The following RALGAPA2 variants were observed in gnomAD, a reference collection of about 807,000 sequenced individuals.
RALGAPA2 encodes the protein ral GTPase-activating protein subunit alpha-2.
In RALGAPA2, 139 loss-of-function variants were observed where a neutral mutation model predicts 230.4. The observed-to-expected ratio is 0.60, with a 90% CI of 0.53 to 0.69. RALGAPA2 has a LOEUF of 0.69. RALGAPA2 is among the 30% of genes least tolerant of loss of function. RALGAPA2 has a pLI of 0.00. For missense variants in RALGAPA2, 2,163 were observed against 2,276.0 expected (o/e 0.95, Z 1.01); for synonymous variants, 847 against 837.8 (o/e 1.01, Z -0.19).
chr20:20,497,714 T>G (rs764344087), intron 35 of RALGAPA2, among the ~76,000 whole-genome samples: 5 of 152,226 alleles, frequency 3.3e-5, no homozygotes, highest in African/African-American at 4.8e-5. Context: ...TCTCTTAATT[T>G]TACTTGCATC....
intron 26 of RALGAPA2, among the ~76,000 whole-genome samples, chr20:20,535,287 T>C (rs2063469315): frequency 6.6e-6 from 1 of 152,144 alleles, no homozygotes; most frequent in Admixed American, 6.5e-5. Context: ...CCAGAAAACC[T>C]CATATATCTT....
chr20:20,607,041 A>G (rs539039210), intron 14 of RALGAPA2, among the ~76,000 whole-genome samples: 4 of 152,230 alleles, frequency 2.6e-5, no homozygotes, highest in Non-Finnish European at 4.4e-5. Flanking sequence ...AGAGAAATGC[A>G]CTTGTTAAGA....
intron 3 of RALGAPA2, among the ~76,000 whole-genome samples, chr20:20,658,088 T>C (rs539957185): frequency 6.6e-6 from 1 of 152,200 alleles, no homozygotes; most frequent in Non-Finnish European, 1.5e-5. Context: ...GTCAAGCCTA[T>C]CATTATCACC....
intron 31 of RALGAPA2, among the ~76,000 whole-genome samples, chr20:20,513,978 T>C (rs1178716690): frequency 6.6e-6 from 1 of 152,224 alleles, no homozygotes; most frequent in Non-Finnish European, 1.5e-5. Flanking sequence ...CATGTGTCAT[T>C]GCTGAGTGCA....
In RALGAPA2 at chr20:20,548,138, C is replaced by G. The variant is rs182458821; in HGVS notation, c.3157-1306G>C. 9.1e-4 allele frequency among the ~76,000 whole-genome samples: 138 copies of G among 152,166 alleles called. No individual in the cohort carries two copies. The Middle Eastern group carries it at 0.01, about 11-fold the overall frequency. ...GAAGCAAAATCTCCACACACACACACACACACACACACAAAATCCTAGTTT... is the reference window on the plus strand; with the variant it reads ...GAAGCAAAATCTCCACACACACACAGACACACACACACAAAATCCTAGTTT... On this transcript the variant is annotated intron_variant, in intron 23 of 39. Coordinates refer to ENST00000202677, the MANE Select transcript of RALGAPA2 (RefSeq NM_020343.4).
In RALGAPA2 at chr20:20,571,709, T is replaced by C. The variant is rs1319351522; in HGVS notation, c.3001-96A>G. The C allele has an allele frequency of 5.4e-5, 80 of 1,487,896 alleles. 1 individual carries two copies. The highest frequency in any genetic ancestry group is 1.7e-4 in the Middle Eastern group (1 of 5,884). 92.2% of individuals were successfully genotyped at this position (1,487,896 alleles called of 1,614,324 possible). ...CTCAGTTTTCCTTAAGAGTTGTTTA[T>C]GGACATGTGGGATGCAGTTACTTTA... On this transcript the variant is annotated intron_variant, in intron 22 of 39. Coordinates refer to ENST00000202677, the MANE Select transcript of RALGAPA2 (RefSeq NM_020343.4).
At position 20,389,823 on chromosome 20, in the gene RALGAPA2, C is replaced by G. The variant is rs1486461631; in HGVS notation, c.*3466G>C. The G allele has an allele frequency of 1.3e-5, 2 of 151,656 alleles. No homozygotes were observed. Among genetic ancestry groups the G allele is most frequent in the Non-Finnish European group, 2.9e-5 (2 of 67,940 alleles). The allele number at this position is 151,656 out of a possible 1,614,324, so 9.4% of individuals were successfully genotyped here. A position where few individuals can be genotyped will look rare whatever the true frequency, so the allele number is the denominator to read the frequency against. ...CCTAGGAAGGAACCTAGATGTGGAGCATTAGGAAAATTAAATAACAAGAGA... is the reference window on the plus strand; with the variant it reads ...CCTAGGAAGGAACCTAGATGTGGAGGATTAGGAAAATTAAATAACAAGAGA... On this transcript the variant is annotated 3_prime_UTR_variant, in exon 40 of 40. Transcript: ENST00000202677.
At position 20,571,570 on chromosome 20, in the gene RALGAPA2, G is replaced by T; in HGVS notation, c.3044C>A (p.Ala1015Asp). The change falls in exon 23 of 40, where the codon GCC becomes GAC. Residue 1015 changes from alanine (A) to aspartate (D), a missense_variant. Ala to Asp is a moderately radical substitution (Grantham distance 126). Coordinates refer to ENST00000202677, the MANE Select transcript of RALGAPA2 (RefSeq NM_020343.4). ...CATCATGGCACAGATCAGCCTGTAG[G>T]CTTGTAGTTTGCCTTCCTTATATTC... ...PNEYKEGKLQAYRLICAMMTR... is the reference protein window; with the variant it reads ...PNEYKEGKLQDYRLICAMMTR... The T allele has an allele frequency of 6.2e-7, 1 of 1,612,012 alleles. No homozygotes were observed. The highest frequency in any genetic ancestry group is 2.2e-5 in the East Asian group (1 of 44,748).
In RALGAPA2 at chr20:20,437,780, T is replaced by C. The variant is rs1214066879; in HGVS notation, c.5496-25632A>G. Among the ~76,000 whole-genome samples, 1 of 152,152 alleles carries C rather than the reference T, an allele frequency of 6.6e-6. No homozygotes were observed. Among genetic ancestry groups the C allele is most frequent in the African/African-American group, 2.4e-5 (1 of 41,426 alleles). On this transcript the variant is annotated intron_variant, in intron 37 of 39. Coordinates refer to ENST00000202677, the MANE Select transcript of RALGAPA2 (RefSeq NM_020343.4). This position sits in a 1 kb window ranked among gnomAD's most constrained non-coding sequence, Gnocchi z 4.1. ...CCTCAGTACTCACCATGCTCTAACT[T>C]CCCTGGATTTTCATGATCTAGCTTG...
intron 37 of RALGAPA2, among the ~76,000 whole-genome samples, chr20:20,412,482 A>G (rs1024300633): frequency 1.3e-5 from 2 of 152,236 alleles, no homozygotes; most frequent in South Asian, 2.1e-4. Context: ...TTCCACTGAC[A>G]GTGGTAGATC....
At chr20:20,534,443 T>C (rs1245572004) in intron 26 of RALGAPA2, among the ~76,000 whole-genome samples, 7 of 143,368 alleles carry the variant, frequency 4.9e-5, no homozygotes, top group Non-Finnish European at 1.1e-4. Context: ...AGACCCCATC[T>C]CAAAAAAAAA....
chr20:20,614,619 A>G (rs1393591134), intron 13 of RALGAPA2, among the ~76,000 whole-genome samples: 1 of 152,202 alleles, frequency 6.6e-6, no homozygotes, highest in Non-Finnish European at 1.5e-5. Context: ...ATGACATTGG[A>G]ATCTACATCA....
At chr20:20,606,202 G>T (rs750730436) in intron 14 of RALGAPA2, among the ~76,000 whole-genome samples, 1 of 151,870 alleles carries the variant, frequency 6.6e-6, no homozygotes, top group Non-Finnish European at 1.5e-5. Context: ...TTCCACACCC[G>T]CTCCATCTCC....
At chr20:20,526,091 C>G (rs2063193062) in intron 28 of RALGAPA2, among the ~76,000 whole-genome samples, 161 bp downstream of exon 28, 1 of 152,222 alleles carries the variant, frequency 6.6e-6, no homozygotes, top group Admixed American at 6.5e-5. Context: ...CCTGAAATCA[C>G]AGCTGAGAAG....
intron 19 of RALGAPA2, 142 bp downstream of exon 19, chr20:20,584,723 G>C (rs1406920817): frequency 1.0e-5 from 6 of 579,392 alleles, no homozygotes; most frequent in Non-Finnish European, 1.1e-5. Flanking sequence ...TGAGGCTGCA[G>C]TGAGCCATGA....
intron 37 of RALGAPA2, among the ~76,000 whole-genome samples, chr20:20,423,380 A>C (rs1602325834): frequency 6.6e-6 from 1 of 152,074 alleles, no homozygotes. Flanking sequence ...AACCACCCCC[A>C]CCCCCACCAG....
Position 20,712,260 on chromosome 20 carries a change from GC to G in RALGAPA2, c.106+114del. 1 of 835,636 alleles carries G rather than the reference GC, an allele frequency of 1.2e-6. No individual in the cohort carries two copies. The highest frequency in any genetic ancestry group is 1.7e-6 in the Non-Finnish European group (1 of 573,364). The allele number at this position is 835,636 out of a possible 1,614,324, so 51.8% of individuals were successfully genotyped here. On this transcript the variant is annotated intron_variant, in intron 1 of 39. Coordinates refer to ENST00000202677, the MANE Select transcript of RALGAPA2 (RefSeq NM_020343.4). The surrounding 1 kb of genome is among the most constrained non-coding windows in gnomAD (Gnocchi z 5.5). The stretch of plus-strand genomic sequence containing the variant: ...CCAGATCCAGGGAAGGGGGTCGGAC[GC>G]CCACCCATCCCCCTCCCCAGCCTCC...
chr20:20,664,475 T>A (rs948202702), intron 3 of RALGAPA2, among the ~76,000 whole-genome samples: 1 of 152,202 alleles, frequency 6.6e-6, no homozygotes, highest in Non-Finnish European at 1.5e-5. Context: ...ACCCATAATA[T>A]GTGGGTTTTG....
At chr20:20,435,052 T>C (rs1002214028) in intron 37 of RALGAPA2, among the ~76,000 whole-genome samples, 3 of 152,234 alleles carry the variant, frequency 2.0e-5, no homozygotes, top group Non-Finnish European at 4.4e-5. Context: ...CACAGAGAGA[T>C]GGCTCCAATG....
Sources: allele counts gnomAD v4.1 joint callset (sites outside exome capture counted in the v4.1 genomes callset), GRCh38; gene constraint gnomAD v4.1.1; non-coding constraint Gnocchi (gnomAD v3.1); transcripts MANE v1.5; gene names NCBI Gene and HGNC (gene_info 2026-07-23, HGNC 2026-07-21).